AK8: variants seen among roughly 807,000 people sequenced by gnomAD.
AK8 encodes ATP-AMP transphosphorylase 8.
AK8 carries 44 observed loss-of-function variants against 54.6 expected under a neutral mutation model. The ratio of observed to expected loss-of-function variants is 0.81; its 90% CI spans 0.63 to 1.04. AK8 has a LOEUF of 1.04. AK8 is among the 50% of genes least tolerant of loss of function. The probability of loss-of-function intolerance (pLI) is 0.00; values close to 1 mark genes in which losing one functional copy is unlikely to be tolerated. For missense variants in AK8, 555 were observed against 613.6 expected, an observed-to-expected ratio of 0.90 and a Z score of 1.01; for synonymous variants, 239 against 245.6, an observed-to-expected ratio of 0.97 and a Z score of 0.25.
intron 11 of AK8, among the ~76,000 whole-genome samples, chr9:132,762,547 A>C (rs1838530266): frequency 6.6e-6 from 1 of 152,208 alleles, no homozygotes; most frequent in South Asian, 2.1e-4. Flanking sequence ...TATTTAAATG[A>C]AAATAAATAC....
chr9:132,863,837 T>A, intron 3 of AK8, 59 bp from the exon 4 acceptor site: 1 of 1,277,974 alleles, frequency 7.8e-7, no homozygotes, highest in Non-Finnish European at 1.1e-6. Context: ...CACAAATGAC[T>A]CTATTAAAAT....
intron 11 of AK8, among the ~76,000 whole-genome samples, chr9:132,774,796 T>C (rs1011335683): frequency 6.6e-6 from 1 of 152,304 alleles, no homozygotes; most frequent in Non-Finnish European, 1.5e-5. Flanking sequence ...GGAGATTGCT[T>C]TGGAGCTCTG....
chr9:132,805,501 G>T (rs1840678958), intron 10 of AK8, among the ~76,000 whole-genome samples: 1 of 152,202 alleles, frequency 6.6e-6, no homozygotes, highest in East Asian at 1.9e-4. Flanking sequence ...TACTGCCTCA[G>T]TTTCCCCACT....
chr9:132,762,690 G>C (rs1422909846), intron 11 of AK8, among the ~76,000 whole-genome samples: 1 of 152,054 alleles, frequency 6.6e-6, no homozygotes, highest in Non-Finnish European at 1.5e-5. Flanking sequence ...GATCACCTGA[G>C]GTCAGGAGTT....
chr9:132,872,176 A>T (rs138887239), intron 2 of AK8, among the ~76,000 whole-genome samples: 3 of 152,044 alleles, frequency 2.0e-5, no homozygotes, highest in Non-Finnish European at 4.4e-5. Flanking sequence ...TCTACAAAAA[A>T]TTTTTAAAAA....
At chr9:132,777,009 A>T (rs535708339) in intron 11 of AK8, among the ~76,000 whole-genome samples, 1 of 152,162 alleles carries the variant, frequency 6.6e-6, no homozygotes, top group African/African-American at 2.4e-5. Flanking sequence ...TATGAGTCTG[A>T]TTTCATCCTT....
At chr9:132,834,953 T>A (rs1842258445) in intron 5 of AK8, among the ~76,000 whole-genome samples, 1 of 151,830 alleles carries the variant, frequency 6.6e-6, no homozygotes, top group Admixed American at 6.6e-5. Context: ...CACTGCGACC[T>A]TCTCCTCCCG....
rs920469343 is a variant in AK8, at chr9:132,770,523, C to T, written c.1121+22111G>A. 3.9e-5 allele frequency among the ~76,000 whole-genome samples: 6 copies of T among 152,198 alleles called. No individual in the cohort carries two copies. Among genetic ancestry groups the T allele is most frequent in the African/African-American group, 1.4e-4 (6 of 41,458 alleles). ...GGGAGCGCGGGGGATGCCCCTCGCCCTGCACGCGCGCCCTGCCCCTGGCTG... is the reference window on the plus strand; with the variant it reads ...GGGAGCGCGGGGGATGCCCCTCGCCTTGCACGCGCGCCCTGCCCCTGGCTG... On this transcript the variant is annotated intron_variant, in intron 11 of 12. Coordinates refer to ENST00000298545, the MANE Select transcript of AK8 (RefSeq NM_152572.3). This position sits in a 1 kb window ranked among gnomAD's most constrained non-coding sequence, Gnocchi z 4.3.
At chr9:132,766,856 G>T (rs1263827863) in intron 11 of AK8, among the ~76,000 whole-genome samples, 1 of 152,134 alleles carries the variant, frequency 6.6e-6, no homozygotes, top group African/African-American at 2.4e-5. Flanking sequence ...TTTGACAAAG[G>T]TGCTAAGAAC....
At chr9:132,733,727 C>A (rs1385932160) in intron 11 of AK8, among the ~76,000 whole-genome samples, 1 of 152,244 alleles carries the variant, frequency 6.6e-6, no homozygotes, top group Admixed American at 6.5e-5. Flanking sequence ...TCTGTGCATG[C>A]CACCAGCCAC....
Position 132,743,070 on chromosome 9 carries a change from C to T in AK8, c.1122-15536G>A, listed in dbSNP as rs564558589. On this transcript the variant is annotated intron_variant, in intron 11 of 12. Transcript: ENST00000298545. Reference sequence around the variant, plus strand: ...CAGCTCAAGCCACAAGCCCTGGCTGCGTGTGTAGCTTTAGCTCCCCGGGGC... The same window carrying T: ...CAGCTCAAGCCACAAGCCCTGGCTGTGTGTGTAGCTTTAGCTCCCCGGGGC... Among the ~76,000 whole-genome samples, 201 of 152,342 alleles carry T rather than the reference C, an allele frequency of 1.3e-3. 1 individual carries two copies. The highest frequency in any genetic ancestry group is 2.4e-3 in the African/African-American group (99 of 41,582).
chr9:132,757,316 C>T (rs982959623), intron 11 of AK8, among the ~76,000 whole-genome samples: 5 of 152,180 alleles, frequency 3.3e-5, no homozygotes, highest in East Asian at 3.8e-4. Context: ...CCAACGAGGC[C>T]GTGTCCAACC....
chr9:132,848,655 T>G (rs186704295), intron 5 of AK8, among the ~76,000 whole-genome samples: 1 of 152,316 alleles, frequency 6.6e-6, no homozygotes, highest in East Asian at 1.9e-4. Flanking sequence ...CATGTTTGAC[T>G]CTGCCTTCAA....
At chr9:132,839,827 G>GGC (rs908130020) in intron 5 of AK8, among the ~76,000 whole-genome samples, 7 of 147,484 alleles carry the variant, frequency 4.7e-5, no homozygotes, top group African/African-American at 1.3e-4. Context: ...TGCCGGGGGG[G>GGC]GGGGCGCAGG....
chr9:132,863,701 C>T lies in AK8; in HGVS notation c.297G>A (p.Thr99=), dbSNP rs776383229. 2.2e-5 allele frequency: 35 copies of T among 1,613,844 alleles called. No individual in the cohort carries two copies. The highest frequency in any genetic ancestry group is 2.2e-5 in the East Asian group (1 of 44,880). Residue 99 remains threonine (T), a synonymous_variant, in exon 4 of 13, where the codon ACG becomes ACA. Transcript: ENST00000298545. ...GATAAAGCCTTCTGGCTTCGGTGGC[C>T]GTATAGGAAAACTCATTTAAGATCA... ...ENLILNEFSY[T]ATEARRLYLQ...
intron 5 of AK8, among the ~76,000 whole-genome samples, chr9:132,829,290 G>A (rs191344859): frequency 2.6e-5 from 4 of 151,550 alleles, no homozygotes; most frequent in African/African-American, 9.7e-5. Flanking sequence ...ACACAATAGC[G>A]ACCACAAGCA....
intron 9 of AK8, among the ~76,000 whole-genome samples, chr9:132,815,641 G>A (rs555345526): frequency 1.7e-3 from 261 of 152,240 alleles, no homozygotes; most frequent in Non-Finnish European, 3.1e-3. Context: ...ACACCTGCTC[G>A]CCCTGGGCAG....
chr9:132,799,293 G>A lies in AK8; in HGVS notation c.980-6518C>T, dbSNP rs77691707. On this transcript the variant is annotated intron_variant, in intron 10 of 12. Transcript: ENST00000298545. This position sits in a 1 kb window ranked among gnomAD's most constrained non-coding sequence, Gnocchi z 5.0. Reference sequence around the variant, plus strand: ...TTTCTGGGGCTGGCATATAAAGATAGGACAAAAAGTGGAGAGAAGGAAATA... The same window carrying A: ...TTTCTGGGGCTGGCATATAAAGATAAGACAAAAAGTGGAGAGAAGGAAATA... Among the ~76,000 whole-genome samples, 1,031 of 152,234 alleles carry A rather than the reference G, an allele frequency of 6.8e-3. 8 individuals carry two copies. The highest frequency in any genetic ancestry group is 0.041 in the South Asian group (198 of 4,828).
chr9:132,878,122 A>C lies in AK8; in HGVS notation c.84+50T>G, dbSNP rs775586527. 2.6e-6 allele frequency: 4 copies of C among 1,547,644 alleles called. No homozygotes were observed. Among genetic ancestry groups the C allele is most frequent in the Non-Finnish European group, 3.5e-6 (4 of 1,145,802 alleles). Reference sequence around the variant, plus strand: ...GGCCGCGCACCCGACGTCGCAGTGGAGGCTCCCGAGCCGCCGCCAGCGTCG... The same window carrying C: ...GGCCGCGCACCCGACGTCGCAGTGGCGGCTCCCGAGCCGCCGCCAGCGTCG... On this transcript the variant is annotated intron_variant, in intron 1 of 12. Transcript: ENST00000298545. The surrounding 1 kb of genome is among the most constrained non-coding windows in gnomAD (Gnocchi z 4.7).
Sources: allele counts gnomAD v4.1 joint callset (sites outside exome capture counted in the v4.1 genomes callset), GRCh38; gene constraint gnomAD v4.1.1; non-coding constraint Gnocchi (gnomAD v3.1); transcripts MANE v1.5; gene names NCBI Gene and HGNC (gene_info 2026-07-23, HGNC 2026-07-21).